The following STON1 variants were observed in gnomAD, a reference collection of about 807,000 sequenced individuals.
The protein encoded by STON1 is stonin-1.
A neutral mutation model predicts 60.9 loss-of-function variants in STON1; 79 were observed. The ratio of observed to expected loss-of-function variants is 1.30; its 90% CI spans 1.08 to 1.56. STON1 has a LOEUF of 1.56. STON1 is among the 40% of genes most tolerant of loss of function. The pLI is 0.00. For synonymous variants in STON1, 363 were observed against 306.9 expected (o/e 1.18, Z -1.91); for missense variants, 1,166 against 858.9 (o/e 1.36, Z -4.47).
chr2:48,590,363 G>T (rs577762668), intron 2 of STON1, among the ~76,000 whole-genome samples: 4 of 152,154 alleles, frequency 2.6e-5, no homozygotes, highest in East Asian at 1.9e-4. Flanking sequence ...TGTATGGAAC[G>T]AAAGGTAATT....
chr2:48,545,561 G>A (rs529059763), intron 1 of STON1, among the ~76,000 whole-genome samples: 1 of 152,128 alleles, frequency 6.6e-6, no homozygotes, highest in Admixed American at 6.5e-5. Flanking sequence ...CTTTGGAGAC[G>A]GAGACACAGA....
chr2:48,560,590 A>G (rs1021458175), intron 1 of STON1, among the ~76,000 whole-genome samples: 1 of 152,166 alleles, frequency 6.6e-6, no homozygotes, highest in African/African-American at 2.4e-5. Flanking sequence ...TTTGGAGAGT[A>G]GGAAGCCCAG....
chr2:48,592,556 C>T (rs573138994), intron 3 of STON1, among the ~76,000 whole-genome samples: 3 of 150,772 alleles, frequency 2.0e-5, no homozygotes, highest in East Asian at 3.9e-4. Context: ...CTCAGCCTCT[C>T]AAGTAACTGG....
At chr2:48,569,020 G>A (rs1324894228) in intron 1 of STON1, 1 of 152,238 alleles carries the variant, frequency 6.6e-6, no homozygotes, top group Non-Finnish European at 1.5e-5. Context: ...TCCGGGTGGT[G>A]GACTTTGGGA....
At chr2:48,562,513 CT>C (rs1672654522) in intron 1 of STON1, among the ~76,000 whole-genome samples, 3 of 152,132 alleles carry the variant, frequency 2.0e-5, no homozygotes, top group Admixed American at 2.0e-4. Context: ...TTATTTGGTC[CT>C]TGTGAAGTAG....
At chr2:48,538,129 T>G (rs911625638) in intron 1 of STON1, among the ~76,000 whole-genome samples, 2 of 151,962 alleles carry the variant, frequency 1.3e-5, no homozygotes, top group African/African-American at 4.8e-5. Flanking sequence ...AGCTAATTTT[T>G]TGTATTTTTA....
intron 1 of STON1, among the ~76,000 whole-genome samples, chr2:48,572,836 C>G (rs13027618): frequency 0.33 from 49,569 of 152,046 alleles, 8,206 homozygotes; most frequent in East Asian, 0.42. Flanking sequence ...TGAGCCTCCT[C>G]GTGGGTCCCA....
At chr2:48,554,408 A>G (rs953268177) in intron 1 of STON1, among the ~76,000 whole-genome samples, 2 of 152,116 alleles carry the variant, frequency 1.3e-5, no homozygotes, top group African/African-American at 4.8e-5. Context: ...TTTTTAATAG[A>G]GACGGGGTTT....
At chr2:48,572,322 T>C (rs991246456) in intron 1 of STON1, among the ~76,000 whole-genome samples, 4 of 152,192 alleles carry the variant, frequency 2.6e-5, no homozygotes, top group African/African-American at 9.7e-5. Flanking sequence ...TGGGTTCCTA[T>C]TGGGCACCAT....
chr2:48,538,276 A>G (rs2103744443), intron 1 of STON1, among the ~76,000 whole-genome samples: 1 of 152,062 alleles, frequency 6.6e-6, no homozygotes, highest in Admixed American at 6.5e-5. Context: ...GTTTTTCTTA[A>G]CTAGTTTGTA....
chr2:48,579,144 C>T (rs1464136095), intron 1 of STON1, among the ~76,000 whole-genome samples: 2 of 151,812 alleles, frequency 1.3e-5, no homozygotes, highest in African/African-American at 2.4e-5. Context: ...GCTGGGATTA[C>T]AAGTGTGTGC....
Position 48,550,029 on chromosome 2 carries a change from T to C in STON1, c.-48+19813T>C, listed in dbSNP as rs550266060. 3.3e-5 allele frequency among the ~76,000 whole-genome samples: 5 copies of C among 150,988 alleles called. No individual in the cohort carries two copies. In the East Asian group the frequency reaches 9.7e-4, roughly 29 times the overall value. ...GTTAAGACATGGGACAGCAGGGCAG[T>C]GGCCCCCTGGGCAGTGAGGTGACTT... is the stretch of plus-strand genomic sequence containing the variant. On this transcript the variant is annotated intron_variant, in intron 1 of 3. Transcript: ENST00000404752.
intron 2 of STON1, among the ~76,000 whole-genome samples, chr2:48,584,467 C>A (rs1238674342): frequency 1.3e-5 from 2 of 151,970 alleles, no homozygotes; most frequent in Non-Finnish European, 2.9e-5. Context: ...GGGGTTTTCC[C>A]ATGTTGGCCA....
chr2:48,583,645 C>T (rs17325817), intron 2 of STON1, among the ~76,000 whole-genome samples: 3 of 149,380 alleles, frequency 2.0e-5, no homozygotes, highest in African/African-American at 7.4e-5. Context: ...CCTAGCAGAG[C>T]ACTGGTCACT....
chr2:48,546,510 A>G lies in STON1; in HGVS notation c.-48+16294A>G, dbSNP rs577387401. Among the ~76,000 whole-genome samples the G allele has an allele frequency of 2.6e-5, 4 of 152,326 alleles. No homozygotes were observed. The East Asian group carries it at 7.7e-4, about 29-fold the overall frequency. On this transcript the variant is annotated intron_variant, in intron 1 of 3. Coordinates refer to ENST00000404752, the MANE Select transcript of STON1 (RefSeq NM_006873.4). ...TTGTCCCCCCATCACAGTTATGGAC[A>G]CTTGCCACCATCATTCCTGCCAATC...
chr2:48,578,580 CCTT>C (rs1189432188), intron 1 of STON1, among the ~76,000 whole-genome samples: 2 of 59,982 alleles, frequency 3.3e-5, no homozygotes, highest in Non-Finnish European at 6.4e-5. Flanking sequence ...CCTCCTCCTT[CCTT>C]TTTTTTTTTT....
chr2:48,592,869 C>A (rs1404567669), intron 3 of STON1, among the ~76,000 whole-genome samples: 1 of 151,972 alleles, frequency 6.6e-6, no homozygotes, highest in African/African-American at 2.4e-5. Context: ...CCTGCCTCGG[C>A]CTCCCAAAGT....
chr2:48,572,520 A>G (rs1673269305), intron 1 of STON1, among the ~76,000 whole-genome samples: 1 of 152,160 alleles, frequency 6.6e-6, no homozygotes, highest in South Asian at 2.1e-4. Flanking sequence ...CTTACAAAGT[A>G]ATGGGCTTGA....
intron 1 of STON1, among the ~76,000 whole-genome samples, chr2:48,564,578 T>TCTCCTC (rs773952778): frequency 0.057 from 1,814 of 31,580 alleles, 520 homozygotes; most frequent in East Asian, 0.15. Flanking sequence ...TCCTTCTCCT[T>TCTCCTC]CTCCTCCTCC....
Sources: gnomAD v4.1 joint callset for allele counts (sites outside exome capture counted in the v4.1 genomes callset) on GRCh38, gnomAD v4.1.1 for gene constraint, MANE v1.5 for transcripts, NCBI Gene and HGNC (gene_info 2026-07-23, HGNC 2026-07-21) for gene names.